Variants in LARGE1 observed in about 807,000 individuals in gnomAD.
The protein encoded by LARGE1 is LARGE xylosyl- and glucuronyltransferase 1, also known as xylosyl- and glucuronyltransferase LARGE1.
In LARGE1, 43 loss-of-function variants were observed where a neutral mutation model predicts 87.6. That is an observed-to-expected ratio of 0.49 (90% CI 0.38 to 0.63). LARGE1 has a LOEUF of 0.63. Ranked by LOEUF, LARGE1 falls within the 30% of genes least tolerant of loss-of-function variation. The pLI is 0.00. For synonymous variants in LARGE1, 434 were observed against 394.6 expected, an observed-to-expected ratio of 1.10 and a Z score of -1.18; for missense variants, 802 against 1,000.2, an observed-to-expected ratio of 0.80 and a Z score of 2.67.
At chr22:33,473,168 C>CA (rs1555927177) in intron 6 of LARGE1, among the ~76,000 whole-genome samples, 4 of 145,246 alleles carry the variant, frequency 2.8e-5, no homozygotes, top group African/African-American at 1.0e-4. Flanking sequence ...TCATATCTCT[C>CA]TTTTTTTTTT....
intron 1 of LARGE1, among the ~76,000 whole-genome samples, chr22:33,795,423 G>GGAGGGA (rs554743605): frequency 5.9e-5 from 9 of 152,128 alleles, no homozygotes; most frequent in Non-Finnish European, 8.8e-5. Flanking sequence ...AGAAGTTTTA[G>GGAGGGA]GAGGGAGAGG....
intron 10 of LARGE1, among the ~76,000 whole-genome samples, chr22:33,333,612 T>A (rs1379493310): frequency 6.6e-6 from 1 of 152,238 alleles, no homozygotes; most frequent in Non-Finnish European, 1.5e-5. Context: ...AATTCATTCT[T>A]ACTTCTTAAA....
chr22:33,114,176 G>A, the LARGE1 span, among the ~76,000 whole-genome samples: 8 of 152,032 alleles, frequency 5.3e-5, no homozygotes, highest in Admixed American at 1.3e-4. Context: ...GCGCCCGGCC[G>A]AAAACTGGAG....
chr22:33,108,026 A>C, the LARGE1 span, among the ~76,000 whole-genome samples: 1 of 152,204 alleles, frequency 6.6e-6, no homozygotes, highest in Non-Finnish European at 1.5e-5. Context: ...AGACTGAATA[A>C]AATGTACTAT....
chr22:33,081,576 T>G, the LARGE1 span, among the ~76,000 whole-genome samples: 1 of 152,082 alleles, frequency 6.6e-6, no homozygotes, highest in Non-Finnish European at 1.5e-5. Flanking sequence ...AAAGATAAAA[T>G]ATACCAGGGA....
intron 1 of LARGE1, among the ~76,000 whole-genome samples, chr22:33,908,652 G>A (rs1182586684): frequency 6.6e-6 from 1 of 152,114 alleles, no homozygotes; most frequent in Non-Finnish European, 1.5e-5. Context: ...CTGATGGTGA[G>A]CCAGTGAGGG....
At chr22:33,344,138 A>G (rs1472398667) in intron 9 of LARGE1, among the ~76,000 whole-genome samples, 1 of 152,154 alleles carries the variant, frequency 6.6e-6, no homozygotes, top group Admixed American at 6.5e-5. Context: ...TCAAATGTTA[A>G]TCTCTTTTGG....
intron 2 of LARGE1, among the ~76,000 whole-genome samples, chr22:33,673,755 T>C (rs150763354): frequency 0.014 from 2,148 of 152,318 alleles, 25 homozygotes; most frequent in Non-Finnish European, 0.023. Flanking sequence ...TGGAGTGCAG[T>C]GGCGCAATCT....
At chr22:33,524,285 C>CAT (rs113849545) in intron 6 of LARGE1, among the ~76,000 whole-genome samples, 7 of 147,248 alleles carry the variant, frequency 4.8e-5, no homozygotes, top group Admixed American at 4.7e-4. Context: ...AGTGAGACTC[C>CAT]CCTCAAAAAA....
chr22:33,166,710 C>T (rs1207021818), exon 12 of LARGE1: 4 of 469,984 alleles, frequency 8.5e-6, no homozygotes, highest in Admixed American at 2.4e-5. Context: ...AAAATTAGGG[C>T]TCATGAAGAA....
rs191459704 is a variant in LARGE1 at position 33,807,202 on chromosome 22, T to C, written c.-82-45644A>G. Among the ~76,000 whole-genome samples the C allele has an allele frequency of 2.5e-4, 38 of 152,330 alleles. No homozygotes were observed. In the East Asian group the frequency reaches 7.1e-3, roughly 29 times the overall value. Reference sequence around the variant, plus strand: ...CCCTGAGTTAATTTCTTAACTTCTCTGTGCTCAGTTTCATTATCTGCACAA... The same window carrying C: ...CCCTGAGTTAATTTCTTAACTTCTCCGTGCTCAGTTTCATTATCTGCACAA... On this transcript the variant is annotated intron_variant, in intron 1 of 14. Coordinates refer to ENST00000397394, the MANE Select transcript of LARGE1 (RefSeq NM_133642.5).
At position 33,692,287 on chromosome 22, in the gene LARGE1, C is replaced by T. The variant is rs12166874; in HGVS notation, c.107-41619G>A. On this transcript the variant is annotated intron_variant, in intron 2 of 14. Transcript: ENST00000397394. ...AGGGGCTATGCATGCAGTAACACGGCCTTCCCCAATAACAGCAACATTTAT... is the reference window on the plus strand; with the variant it reads ...AGGGGCTATGCATGCAGTAACACGGTCTTCCCCAATAACAGCAACATTTAT... 4.7e-3 allele frequency among the ~76,000 whole-genome samples: 711 copies of T among 151,044 alleles called. 5 individuals carry two copies. The highest frequency in any genetic ancestry group is 0.016 in the African/African-American group (669 of 41,400).
At chr22:33,818,628 C>T (rs975964930) in intron 1 of LARGE1, among the ~76,000 whole-genome samples, 1 of 152,192 alleles carries the variant, frequency 6.6e-6, no homozygotes, top group Non-Finnish European at 1.5e-5. Context: ...TAAAATTGTT[C>T]CTTCTGCTTC....
intron 12 of LARGE1, among the ~76,000 whole-genome samples, chr22:33,288,913 C>A (rs1476023237): frequency 1.3e-5 from 2 of 152,112 alleles, no homozygotes; most frequent in African/African-American, 4.8e-5. Flanking sequence ...CTTGCAAGAA[C>A]ATTCACAAAC....
the LARGE1 span, among the ~76,000 whole-genome samples, chr22:33,113,301 A>G: frequency 6.8e-6 from 1 of 147,528 alleles, no homozygotes; most frequent in African/African-American, 2.5e-5. Flanking sequence ...TCTGCCTCCC[A>G]GGTTCAAGCA....
chr22:33,877,092 T>C (rs887183229), intron 1 of LARGE1, among the ~76,000 whole-genome samples: 1 of 152,170 alleles, frequency 6.6e-6, no homozygotes, highest in Non-Finnish European at 1.5e-5. Flanking sequence ...CTCTCTGCCT[T>C]CCGCAAGTAT....
intron 1 of LARGE1, among the ~76,000 whole-genome samples, chr22:33,883,372 C>T (rs1042169714): frequency 2.0e-5 from 3 of 152,180 alleles, no homozygotes; most frequent in Non-Finnish European, 4.4e-5. Flanking sequence ...GAGACTCAGA[C>T]TCATATATTT....
At chr22:33,090,359 A>G in the LARGE1 span, among the ~76,000 whole-genome samples, 64 of 152,188 alleles carry the variant, frequency 4.2e-4, no homozygotes, top group Non-Finnish European at 7.5e-4. Context: ...AAAAATGAGC[A>G]GACTGAGGGG....
chr22:33,409,705 C>CA (rs1174922868), intron 7 of LARGE1, among the ~76,000 whole-genome samples: 17 of 151,866 alleles, frequency 1.1e-4, no homozygotes, highest in South Asian at 4.2e-4. Flanking sequence ...ACTAAAAATA[C>CA]AAAAAATTAG....
Sources: gnomAD v4.1 joint callset for allele counts (sites outside exome capture counted in the v4.1 genomes callset) on GRCh38, gnomAD v4.1.1 for gene constraint, MANE v1.5 for transcripts, NCBI Gene and HGNC (gene_info 2026-07-23, HGNC 2026-07-21) for gene names.